Variants in NASP observed in about 807,000 individuals in gnomAD.
NASP encodes the protein NASP histone chaperone.
NASP carries 24 observed loss-of-function variants against 89.5 expected under a neutral mutation model. The ratio of observed to expected loss-of-function variants is 0.27; its 90% confidence interval spans 0.19 to 0.38. The LOEUF is 0.38. Ranked by LOEUF, NASP falls within the 10% of genes least tolerant of loss-of-function variation. The pLI is 1.00. For missense variants in NASP, 848 were observed against 921.4 expected (o/e 0.92, Z 1.03); for synonymous variants, 306 against 324.7 (o/e 0.94, Z 0.62).
intron 7 of NASP, among the ~76,000 whole-genome samples, chr1:45,613,614 T>A (rs1644054411): frequency 6.6e-6 from 1 of 152,206 alleles, no homozygotes; most frequent in South Asian, 2.1e-4. Flanking sequence ...CTCAGATAGC[T>A]AGGTCTCCAG....
intron 2 of NASP, among the ~76,000 whole-genome samples, chr1:45,597,931 C>T (rs1023375421): frequency 2.6e-5 from 4 of 152,154 alleles, no homozygotes; most frequent in Admixed American, 6.5e-5. Context: ...TACTTCCCTT[C>T]GTCTATTACC....
intron 2 of NASP, among the ~76,000 whole-genome samples, chr1:45,596,982 CAAAAAAAAGAAAAA>C (rs1266805390): frequency 3.4e-5 from 5 of 147,274 alleles, no homozygotes; most frequent in Non-Finnish European, 6.0e-5. Context: ...GACGCTGTCT[CAAAAAAAAGAAAAA>C]AAAGAAAAGA....
chr1:45,612,103 G>C (rs1262750910), intron 6 of NASP: 1 of 151,438 alleles, frequency 6.6e-6, no homozygotes, highest in East Asian at 1.9e-4. Flanking sequence ...TCAATCTCCT[G>C]ACCTCGTGAT....
At chr1:45,585,979 C>G (rs1644527945) in intron 1 of NASP, among the ~76,000 whole-genome samples, 1 of 152,150 alleles carries the variant, frequency 6.6e-6, no homozygotes, top group Non-Finnish European at 1.5e-5. Flanking sequence ...AAGTATGCAA[C>G]AAATACCTCT....
Position 45,617,477 on chromosome 1 carries a change from A to G in NASP, c.2172A>G (p.Glu724=), listed in dbSNP as rs779112883. ...TATATCTTTAGAGGAAACCAGAGGAAGAGAGTCCCCGGAAAGATGATGCAA... is the reference window on the plus strand; with the variant it reads ...TATATCTTTAGAGGAAACCAGAGGAGGAGAGTCCCCGGAAAGATGATGCAA... The part of the protein sequence containing the change: ...HLVRKKRKPE[E]ESPRKDDAKK... The change falls in exon 14 of 15, where the codon GAA becomes GAG. Residue 724 remains glutamate (E), a synonymous_variant. Coordinates refer to ENST00000350030, the MANE Select transcript of NASP (RefSeq NM_002482.4). 1 of 1,613,498 alleles carries G rather than the reference A, an allele frequency of 6.2e-7. No individual in the cohort carries two copies. Among genetic ancestry groups the G allele is most frequent in the South Asian group, 1.1e-5 (1 of 91,040 alleles).
At chr1:45,588,667 C>T (rs973315272) in intron 1 of NASP, 19 of 447,990 alleles carry the variant, frequency 4.2e-5, no homozygotes, top group Admixed American at 1.9e-4. Context: ...CGGCCGGGCG[C>T]GGTGGCTCAC....
intron 1 of NASP, among the ~76,000 whole-genome samples, chr1:45,584,851 C>A (rs527788188): frequency 2.0e-4 from 30 of 152,314 alleles, no homozygotes; most frequent in South Asian, 4.1e-4. Context: ...GAGGCTAGTT[C>A]CCCCCGACAC....
chr1:45,595,130 TG>T (rs1381832115), intron 2 of NASP, among the ~76,000 whole-genome samples: 30 of 3,604 alleles, frequency 8.3e-3, no homozygotes, highest in African/African-American at 0.017. Flanking sequence ...GACTAAGTTT[TG>T]TGTGTGTGTG....
chr1:45,594,745 C>T (rs754523553), intron 2 of NASP: 1 of 455,466 alleles, frequency 2.2e-6, no homozygotes, highest in Non-Finnish European at 4.4e-6. Context: ...ATCTTCTCAC[C>T]TCAGCCACCT....
chr1:45,611,794 C>T (rs1644016700), intron 6 of NASP: 2 of 151,252 alleles, frequency 1.3e-5, no homozygotes, highest in Non-Finnish European at 1.5e-5. Context: ...AAACCTTTCC[C>T]AACTTGTGCC....
In NASP at chr1:45,606,717, C is replaced by T. The variant is rs1008130149; in HGVS notation, c.409+126C>T. ...AAGATGCTTGGGGTGATGATGCCTG[C>T]ATCTGGTGGAGATTGCAGTGGGGAT... On this transcript the variant is annotated intron_variant, in intron 5 of 14. Transcript: ENST00000350030. The T allele has an allele frequency of 1.2e-5, 7 of 582,708 alleles. No homozygotes were observed. The African/African-American group carries it at 1.3e-4, about 11-fold the overall frequency. 36.1% of individuals were successfully genotyped at this position (582,708 alleles called of 1,614,324 possible).
At position 45,608,341 on chromosome 1, in the gene NASP, A is replaced by C. The variant is rs912606549; in HGVS notation, c.1426+4A>C. On this transcript the variant is annotated splice_donor_region_variant and intron_variant, in intron 6 of 14. Transcript: ENST00000350030. ...GAACAGATGAAAGAGGGTGAAGGTAACCGGGATATGCAAGAGCTGCAGTGG... is the reference window on the plus strand; with the variant it reads ...GAACAGATGAAAGAGGGTGAAGGTACCCGGGATATGCAAGAGCTGCAGTGG... 6.3e-7 allele frequency: 1 copy of C among 1,598,418 alleles called. No homozygotes were observed. The highest frequency in any genetic ancestry group is 1.3e-5 in the African/African-American group (1 of 74,574).
chr1:45,599,953 A>ATTTTTTT (rs11302173), intron 2 of NASP, among the ~76,000 whole-genome samples: 4 of 79,076 alleles, frequency 5.1e-5, no homozygotes, highest in African/African-American at 5.1e-5. Context: ...TTTCCTCTGT[A>ATTTTTTT]TTTTTTTTTT....
intron 3 of NASP, among the ~76,000 whole-genome samples, chr1:45,603,692 C>T (rs1263108427): frequency 6.8e-6 from 1 of 147,404 alleles, no homozygotes; most frequent in East Asian, 2.0e-4. Flanking sequence ...TCACTGCAAC[C>T]CCCGCCTCCC....
intron 11 of NASP, 101 bp from the exon 12 acceptor site, chr1:45,616,236 G>A (rs774630518): frequency 2.8e-6 from 3 of 1,087,388 alleles, no homozygotes; most frequent in Non-Finnish European, 4.3e-6. Context: ...TAGCATTTCA[G>A]GTCTTAGTCA....
At chr1:45,599,951 G>GTTTTTTTTTTTTTTTTTTTT (rs1375366938) in intron 2 of NASP, among the ~76,000 whole-genome samples, 6 of 101,938 alleles carry the variant, frequency 5.9e-5, no homozygotes, top group African/African-American at 2.6e-4. Context: ...CTTTTCCTCT[G>GTTTTTTTTTTTTTTTTTTTT]TATTTTTTTT....
chr1:45,585,097 CAAGAT>C (rs1394912347), intron 1 of NASP, among the ~76,000 whole-genome samples: 2 of 152,150 alleles, frequency 1.3e-5, no homozygotes, highest in Admixed American at 6.5e-5. Context: ...TGGAGGGAAA[CAAGAT>C]AGGATTGTTT....
intron 2 of NASP, among the ~76,000 whole-genome samples, chr1:45,597,469 A>G (rs1174729578): frequency 6.6e-6 from 1 of 152,148 alleles, no homozygotes; most frequent in Non-Finnish European, 1.5e-5. Flanking sequence ...AACACGGTAG[A>G]GTAGTGAATA....
At chr1:45,586,309 G>GGT (rs879377284) in intron 1 of NASP, among the ~76,000 whole-genome samples, 4 of 136,000 alleles carry the variant, frequency 2.9e-5, no homozygotes, top group Admixed American at 7.4e-5. Flanking sequence ...GTGTGTGTGT[G>GGT]GTGTGTGTGT....
Sources: gnomAD v4.1 joint callset for allele counts (sites outside exome capture counted in the v4.1 genomes callset) on GRCh38, gnomAD v4.1.1 for gene constraint, MANE v1.5 for transcripts, NCBI Gene and HGNC (gene_info 2026-07-23, HGNC 2026-07-21) for gene names.